ANO6: variants seen among roughly 807,000 people sequenced by gnomAD.
ANO6 encodes anoctamin-6.
In ANO6, 106 loss-of-function variants were observed where a neutral mutation model predicts 117.5. That is an observed-to-expected ratio of 0.90 (90% confidence interval 0.77 to 1.06). The LOEUF is 1.06. Among genes scored for constraint, ANO6 ranks in the 50% least tolerant of loss-of-function variants. The pLI, the probability that ANO6 is intolerant of heterozygous loss-of-function variation, is 0.00. For synonymous variants in ANO6, 367 were observed against 385.1 expected (o/e 0.95, Z 0.55); for missense variants, 955 against 1,121.1 (o/e 0.85, Z 2.12).
At chr12:45,228,211 A>G in intron 1 of ANO6, 1 of 433,944 alleles carries the variant, frequency 2.3e-6, no homozygotes, top group Non-Finnish European at 4.5e-6. Flanking sequence ...GGCTCACTGT[A>G]GCATTGACTC....
At position 45,348,510 on chromosome 12, in the gene ANO6, C is replaced by A. The variant is rs1555171828; in HGVS notation, c.634-8C>A. ...TAAACCGCATACTCTATTTTGGAAT[C>A]TTTTTAGGTTTACTTCATCCTCTCT... On this transcript the variant is annotated splice_polypyrimidine_tract_variant and splice_region_variant and intron_variant, in intron 5 of 19. Transcript: ENST00000320560. The A allele has an allele frequency of 3.1e-6, 5 of 1,610,308 alleles. No individual in the cohort carries two copies.
chr12:45,218,714 A>G (rs891789432), intron 1 of ANO6, among the ~76,000 whole-genome samples: 1 of 152,208 alleles, frequency 6.6e-6, no homozygotes, highest in Middle Eastern at 3.2e-3. Flanking sequence ...AAAGCCTTTT[A>G]CAAAATAATT....
At chr12:45,311,529 T>C (rs1312074513) in intron 2 of ANO6, among the ~76,000 whole-genome samples, 2 of 152,086 alleles carry the variant, frequency 1.3e-5, no homozygotes, top group East Asian at 1.9e-4. Flanking sequence ...ATCAGCATGG[T>C]AGAAGATCCC....
At chr12:45,371,792 A>G (rs1410874464) in intron 9 of ANO6, among the ~76,000 whole-genome samples, 1 of 152,244 alleles carries the variant, frequency 6.6e-6, no homozygotes. Context: ...GAAACTCTAA[A>G]AAGCAGAACG....
At chr12:45,428,324 A>G (rs1246631007) in intron 19 of ANO6, among the ~76,000 whole-genome samples, 2 of 152,244 alleles carry the variant, frequency 1.3e-5, no homozygotes, top group African/African-American at 4.8e-5. Context: ...AGTTTTGAAC[A>G]AAAGGTGGCC....
At chr12:45,438,626 T>A (rs1489709143) in intron 19 of ANO6, among the ~76,000 whole-genome samples, 1 of 152,118 alleles carries the variant, frequency 6.6e-6, no homozygotes, top group Non-Finnish European at 1.5e-5. Context: ...CTGGGCCCCA[T>A]CCCCAAGATA....
At chr12:45,385,313 C>T (rs892242654) in intron 10 of ANO6, among the ~76,000 whole-genome samples, 6 of 152,010 alleles carry the variant, frequency 3.9e-5, no homozygotes, top group East Asian at 1.9e-4. Context: ...TGCACATGAC[C>T]GCTGGAATGA....
At chr12:45,409,541 G>C (rs897220325) in intron 16 of ANO6, 54 bp downstream of exon 16, 42 of 1,578,760 alleles carry the variant, frequency 2.7e-5, no homozygotes, top group Non-Finnish European at 3.5e-5. Flanking sequence ...GTATGTTGTG[G>C]ATACCAAAAG....
intron 1 of ANO6, chr12:45,292,884 C>T (rs761910708): frequency 9.0e-6 from 14 of 1,550,306 alleles, no homozygotes; most frequent in Non-Finnish European, 1.0e-5. Flanking sequence ...AAGGACTCAC[C>T]GAATTGTCCA....
intron 1 of ANO6, among the ~76,000 whole-genome samples, chr12:45,268,880 C>T (rs1337381068): frequency 6.6e-6 from 1 of 152,194 alleles, no homozygotes; most frequent in Non-Finnish European, 1.5e-5. Context: ...GTAAGAATTG[C>T]TATTTCCGTG....
At chr12:45,409,863 C>T (rs1206703076) in intron 16 of ANO6, among the ~76,000 whole-genome samples, 1 of 152,284 alleles carries the variant, frequency 6.6e-6, no homozygotes, top group Non-Finnish European at 1.5e-5. Flanking sequence ...TCAAGCAATT[C>T]TCCTGCCTCA....
intron 19 of ANO6, among the ~76,000 whole-genome samples, chr12:45,439,291 G>A (rs41338444): frequency 0.03 from 4,637 of 152,262 alleles, 96 homozygotes; most frequent in African/African-American, 0.056. Flanking sequence ...AGAGGCCAAC[G>A]CAAAAGGCCA....
At chr12:45,224,460 C>T (rs1200384761) in intron 1 of ANO6, among the ~76,000 whole-genome samples, 1 of 152,056 alleles carries the variant, frequency 6.6e-6, no homozygotes, top group African/African-American at 2.4e-5. Context: ...CACTCTCTAC[C>T]AAGGAGATGA....
chr12:45,232,427 A>C (rs1330404525), intron 1 of ANO6, among the ~76,000 whole-genome samples: 2 of 152,176 alleles, frequency 1.3e-5, no homozygotes, highest in Non-Finnish European at 2.9e-5. Flanking sequence ...AAGAGACTGA[A>C]CCAGGATAGC....
intron 1 of ANO6, among the ~76,000 whole-genome samples, chr12:45,257,797 G>T (rs2137203219): frequency 6.6e-6 from 1 of 152,276 alleles, no homozygotes; most frequent in Non-Finnish European, 1.5e-5. Flanking sequence ...ATCTGAACAT[G>T]CCACCCTCCT....
intron 3 of ANO6, among the ~76,000 whole-genome samples, chr12:45,339,787 A>G (rs974725525): frequency 1.3e-5 from 2 of 152,120 alleles, no homozygotes; most frequent in African/African-American, 4.8e-5. Flanking sequence ...AGTACCTATG[A>G]TGTATTTCTC....
At position 45,347,012 on chromosome 12, in the gene ANO6, C is replaced by T; in HGVS notation, c.280-10C>T. 6.2e-7 allele frequency: 1 copy of T among 1,613,888 alleles called. No homozygotes were observed. Among genetic ancestry groups the T allele is most frequent in the African/African-American group, 1.3e-5 (1 of 75,040 alleles). The stretch of plus-strand genomic sequence containing the variant: ...AAAGGTCTAACATATATTCCAACTT[C>T]TTTTGACAGAGGAAAAGACAAGCAT... On this transcript the variant is annotated splice_polypyrimidine_tract_variant and intron_variant, in intron 3 of 19. Coordinates refer to ENST00000320560, the MANE Select transcript of ANO6 (RefSeq NM_001025356.3).
intron 9 of ANO6, among the ~76,000 whole-genome samples, chr12:45,376,807 C>G (rs1424233685): frequency 2.0e-5 from 3 of 149,096 alleles, no homozygotes; most frequent in Non-Finnish European, 4.4e-5. Context: ...ACATATGTAA[C>G]TAACCTGAAC....
rs951515251 is a variant in ANO6, at chr12:45,344,884, CA to C, written c.280-2137del. On this transcript the variant is annotated intron_variant, in intron 3 of 19. Transcript: ENST00000320560. ...AGTTCAAGTTGGGAATATGGTGGGT[CA>C]GGGGTGGAAAGTGCTGAAGAACTTC... Among the ~76,000 whole-genome samples the C allele has an allele frequency of 2.6e-5, 4 of 152,020 alleles. No homozygotes were observed. The East Asian group carries it at 7.7e-4, about 29-fold the overall frequency.
Sources: allele counts gnomAD v4.1 joint callset (sites outside exome capture counted in the v4.1 genomes callset), GRCh38; gene constraint gnomAD v4.1.1; transcripts MANE v1.5; gene names NCBI Gene and HGNC (gene_info 2026-07-23, HGNC 2026-07-21).